The following GAA variants were observed in gnomAD, a reference collection of about 807,000 sequenced individuals.
GAA encodes the protein lysosomal alpha-glucosidase.
Under a neutral mutation model 103.9 loss-of-function variants are expected in GAA, and 88 were observed. The ratio of observed to expected loss-of-function variants is 0.85; its 90% CI spans 0.71 to 1.01. The LOEUF (loss-of-function observed/expected upper bound fraction) is 1.01, where lower values mean the gene tolerates loss of function less well. Among genes scored for constraint, GAA ranks in the 50% least tolerant of loss-of-function variants. GAA has a pLI of 0.00. For synonymous variants in GAA, 572 were observed against 563.1 expected (o/e 1.02, Z -0.22); for missense variants, 1,350 against 1,305.3 (o/e 1.03, Z -0.53).
Position 80,104,965 on chromosome 17 carries a change from T to C in GAA, c.379T>C (p.Cys127Arg). The change falls in exon 2 of 20, where the codon TGC (cysteine) becomes CGC (arginine). Residue 127 changes from cysteine to arginine, a missense_variant. Transcript: ENST00000302262. The surrounding 1 kb of genome is among the most constrained non-coding windows in gnomAD (Gnocchi z 4.0). ...GGGAGCCCAGATGGGGCAGCCCTGG[T>C]GCTTCTTCCCACCCAGCTACCCCAG... ...LQGAQMGQPW[C>R]FFPPSYPSYK... 2 of 1,612,548 alleles carry C rather than the reference T, an allele frequency of 1.2e-6. No individual in the cohort carries two copies. The highest frequency in any genetic ancestry group is 8.5e-7 in the Non-Finnish European group (1 of 1,179,838).
intron 18 of GAA, 44 bp downstream of exon 18, chr17:80,118,401 G>C: frequency 3.9e-6 from 6 of 1,557,064 alleles, no homozygotes; most frequent in Non-Finnish European, 2.6e-6. Flanking sequence ...GGGCCGGCTC[G>C]GGGTTGAGAA....
At position 80,117,660 on chromosome 17, in the gene GAA, A is replaced by G. The variant is rs752459996; in HGVS notation, c.2392A>G (p.Ile798Val). 1.3e-5 allele frequency: 21 copies of G among 1,612,696 alleles called. 1 individual carries two copies. The Middle Eastern group carries it at 6.6e-4, about 51-fold the overall frequency. Reference protein sequence around the residue: ...PPPAAPREPAIHSEGQWVTLP... With the variant: ...PPPAAPREPAVHSEGQWVTLP... ...ACCTGCAGCTCCCCGTGAGCCAGCC[A>G]TCCACAGCGAGGGGCAGTGGGTGAC... The change falls in exon 17 of 20, where the codon ATC (isoleucine) becomes GTC (valine). Residue 798 changes from isoleucine to valine, a missense_variant. By Grantham distance (29) the Ile-to-Val change is conservative. Transcript: ENST00000302262.
chr17:80,107,532 A>G (rs1359018610), intron 3 of GAA, 25 bp from the exon 4 acceptor site: 1 of 1,612,716 alleles, frequency 6.2e-7, no homozygotes, highest in East Asian at 2.2e-5. Context: ...GGTGTGAGCA[A>G]GCCTGGCTGG....
rs2039389862 is a variant in GAA at position 80,117,753 on chromosome 17, C to G, written c.2481+4C>G. 1.2e-6 allele frequency: 2 copies of G among 1,606,618 alleles called. No homozygotes were observed. The highest frequency in any genetic ancestry group is 3.4e-5 in the Admixed American group (2 of 59,060). ...TGGGTACATCATCCCCCTGCAGGTA[C>G]CTGGGCCAGGCGGCTATGGTGGGGG... On this transcript the variant is annotated splice_donor_region_variant and intron_variant, in intron 17 of 19. Transcript: ENST00000302262.
chr17:80,117,141 C>T (rs201279755), intron 16 of GAA, 32 bp downstream of exon 16: 142 of 1,607,666 alleles, frequency 8.8e-5, no homozygotes, highest in South Asian at 7.4e-4. Context: ...CCTGGGGAGA[C>T]GGGAGACCAG....
intron 19 of GAA, 75 bp downstream of exon 19, chr17:80,118,880 T>C: frequency 6.5e-7 from 1 of 1,542,722 alleles, no homozygotes; most frequent in Non-Finnish European, 8.8e-7. Context: ...CTGGGCGTCC[T>C]GGTGACCGAT....
At position 80,112,429 on chromosome 17, in the gene GAA, C is replaced by G. The variant is rs543358927; in HGVS notation, c.1755-149C>G. 3 of 1,008,362 alleles carry G rather than the reference C, an allele frequency of 3.0e-6. No individual in the cohort carries two copies. The African/African-American group carries it at 4.8e-5, about 16-fold the overall frequency. The allele number at this position is 1,008,362 out of a possible 1,614,324, so 62.5% of individuals were successfully genotyped here. A position where few individuals can be genotyped will look rare whatever the true frequency, so the allele number is the denominator to read the frequency against. On this transcript the variant is annotated intron_variant, in intron 12 of 19. Transcript: ENST00000302262. ...TGGCCCAGACAGAGGCAACTGTGCC[C>G]GCAGACATGGGCAGTAGCCTCGCCG...
At chr17:80,105,617 G>A in intron 2 of GAA, 132 bp from the exon 3 acceptor site, 2 of 1,093,988 alleles carry the variant, frequency 1.8e-6, no homozygotes. Flanking sequence ...GCTCAGAGAG[G>A]CTGAATGTGC....
Position 80,107,687 on chromosome 17 carries a change from A to G in GAA, c.823A>G (p.Arg275Gly). The G allele has an allele frequency of 6.2e-7, 1 of 1,612,868 alleles. No homozygotes were observed. Among genetic ancestry groups the G allele is most frequent in the East Asian group, 2.2e-5 (1 of 44,850 alleles). Residue 275 changes from arginine to glycine, a missense_variant, in exon 4 of 20, where the codon AGG becomes GGG. Transcript: ENST00000302262. ...CCTGATGCTCAGCACCAGCTGGACC[A>G]GGATCACCCTGTGGAACCGGGACCT... The part of the protein sequence containing the change: ...SPLMLSTSWT[R>G]ITLWNRDLAP...
intron 15 of GAA, among the ~76,000 whole-genome samples, chr17:80,114,326 G>A (rs1033861551): frequency 6.6e-6 from 1 of 151,950 alleles, no homozygotes; most frequent in East Asian, 1.9e-4. Context: ...CAGGAGATAC[G>A]AATGGTATCC....
rs145712232 is a variant in GAA at position 80,109,961 on chromosome 17, G to C, written c.1343G>C (p.Ser448Thr). 880 of 1,613,358 alleles carry C rather than the reference G, an allele frequency of 5.5e-4. 11 individuals are homozygous for C. The South Asian group carries it at 7.1e-3, about 13-fold the overall frequency. The change falls in exon 9 of 20, where the codon AGC becomes ACC. Residue 448 changes from serine to threonine, a missense_variant. Coordinates refer to ENST00000302262, the MANE Select transcript of GAA (RefSeq NM_000152.5). ...YMMIVDPAIS[S>T]SGPAGSYRPY... ...TCTTCCCAGGATCCTGCCATCAGCA[G>C]CTCGGGCCCTGCCGGGAGCTACAGG...
At chr17:80,118,993 G>A (rs776630203) in intron 19 of GAA, among the ~76,000 whole-genome samples, 188 bp downstream of exon 19, 9 of 152,228 alleles carry the variant, frequency 5.9e-5, no homozygotes, top group Admixed American at 2.6e-4. Flanking sequence ...GTGTCTACAC[G>A]TGGGTGATGG....
intron 15 of GAA, among the ~76,000 whole-genome samples, chr17:80,116,669 G>A (rs966377477): frequency 3.3e-5 from 5 of 152,234 alleles, no homozygotes; most frequent in Non-Finnish European, 7.3e-5. Context: ...CGGAGGATAA[G>A]TGAGCGAGCA....
At position 80,111,683 on chromosome 17, in the gene GAA, A is replaced by G. The variant is rs759003813; in HGVS notation, c.1637-300A>G. On this transcript the variant is annotated intron_variant, in intron 11 of 19. Coordinates refer to ENST00000302262, the MANE Select transcript of GAA (RefSeq NM_000152.5). ...AGAGGATGGGGTTTTGGGCTTAGGT[A>G]AACAGGCAGGGGAGTGCTTGAAATG... 352 of 457,746 alleles carry G rather than the reference A, an allele frequency of 7.7e-4. 1 individual carries two copies. The highest frequency in any genetic ancestry group is 1.7e-4 in the Admixed American group (5 of 29,356). 28.4% of individuals were successfully genotyped at this position (457,746 alleles called of 1,614,324 possible).
intron 5 of GAA, 121 bp from the exon 6 acceptor site, chr17:80,108,169 A>T: frequency 6.4e-7 from 1 of 1,555,440 alleles, no homozygotes; most frequent in Non-Finnish European, 8.8e-7. Context: ...TCCCCAGGCC[A>T]CTCTGAGCTC....
At chr17:80,117,211 A>G (rs2039374774) in intron 16 of GAA, 102 bp downstream of exon 16, 1 of 1,313,776 alleles carries the variant, frequency 7.6e-7, no homozygotes, top group Non-Finnish European at 1.1e-6. Flanking sequence ...GGAAAGAGGA[A>G]CGTATGTGTT....
rs540818948 is a variant in GAA, at chr17:80,107,982, G to C, written c.955+86G>C. ...ACTGGAGGTCCGCATGAGGGGCCCT[G>C]GGCACGGTGCTGGGCCTTGTGTTTT... is the stretch of plus-strand genomic sequence containing the variant. On this transcript the variant is annotated intron_variant, in intron 5 of 19. Transcript: ENST00000302262. 26 of 1,303,656 alleles carry C rather than the reference G, an allele frequency of 2.0e-5. No homozygotes were observed. In the African/African-American group the frequency reaches 3.2e-4, roughly 16 times the overall value. The allele number at this position is 1,303,656 out of a possible 1,614,324, so 80.8% of individuals were successfully genotyped here. A position where few individuals can be genotyped will look rare whatever the true frequency, so the allele number is the denominator to read the frequency against.
intron 8 of GAA, 32 bp downstream of exon 8, chr17:80,108,860 A>G (rs929981257): frequency 1.3e-6 from 2 of 1,563,736 alleles, no homozygotes; most frequent in Non-Finnish European, 1.7e-6. Flanking sequence ...GTCTTTGGGA[A>G]GGGGGCCGCC....
chr17:80,108,946 C>G, intron 8 of GAA, 118 bp downstream of exon 8: 1 of 1,310,772 alleles, frequency 7.6e-7, no homozygotes, highest in South Asian at 1.5e-5. Context: ...TTCTGAGGGT[C>G]TTTGTGATAT....
Sources: gnomAD v4.1 joint callset for allele counts (sites outside exome capture counted in the v4.1 genomes callset) on GRCh38, gnomAD v4.1.1 for gene constraint, Gnocchi (gnomAD v3.1) non-coding constraint, MANE v1.5 for transcripts, NCBI Gene and HGNC (gene_info 2026-07-23, HGNC 2026-07-21) for gene names.